MYT1: variants seen among roughly 807,000 people sequenced by gnomAD.
MYT1 encodes the protein myelin transcription factor 1.
Under a neutral mutation model 123.0 loss-of-function variants are expected in MYT1, and 23 were observed. The ratio of observed to expected loss-of-function variants is 0.19; its 90% CI spans 0.13 to 0.26. MYT1 has a LOEUF of 0.26. Among genes scored for constraint, MYT1 ranks in the 10% least tolerant of loss-of-function variants. MYT1 has a pLI of 1.00. For missense variants in MYT1, 1,125 were observed against 1,472.5 expected, an observed-to-expected ratio of 0.76 and a Z score of 3.86; for synonymous variants, 518 against 575.3, an observed-to-expected ratio of 0.90 and a Z score of 1.43.
intron 16 of MYT1, among the ~76,000 whole-genome samples, chr20:64,224,924 C>T (rs907517427): frequency 6.6e-6 from 1 of 152,166 alleles, no homozygotes; most frequent in African/African-American, 2.4e-5. Flanking sequence ...CAGTTCGGGC[C>T]TGGAGACATG....
chr20:64,183,023 C>G (rs1488070149), intron 1 of MYT1, among the ~76,000 whole-genome samples: 1 of 152,238 alleles, frequency 6.6e-6, no homozygotes, highest in South Asian at 2.1e-4. Context: ...AAACCCCATG[C>G]CCGTTCACAG....
intron 18 of MYT1, 141 bp downstream of exon 18, chr20:64,228,112 CT>C: frequency 1.3e-6 from 1 of 769,176 alleles, no homozygotes; most frequent in Non-Finnish European, 2.1e-6. Context: ...ACTTTCGTTT[CT>C]TTCATTTTTA....
At chr20:64,211,125 A>G (rs1983653908) in intron 7 of MYT1, 81 bp from the exon 8 acceptor site, 1 of 1,471,400 alleles carries the variant, frequency 6.8e-7, no homozygotes, top group Non-Finnish European at 9.2e-7. Flanking sequence ...AGCCAGAGAG[A>G]GGGTTCCTGA....
intron 1 of MYT1, among the ~76,000 whole-genome samples, chr20:64,182,387 G>T (rs947897175): frequency 2.6e-5 from 4 of 152,252 alleles, no homozygotes; most frequent in African/African-American, 9.6e-5. Flanking sequence ...TTAGCTACCA[G>T]GTGGGATTGG....
rs1983360568 is a variant in MYT1 at position 64,202,663 on chromosome 20, G to A, written c.87-2372G>A. Among the ~76,000 whole-genome samples the A allele has an allele frequency of 6.6e-6, 1 of 152,160 alleles. No homozygotes were observed. Among genetic ancestry groups the A allele is most frequent in the South Asian group, 2.1e-4 (1 of 4,834 alleles). ...GCTGAAGCATGGGGCTCCAGGCTGG[G>A]ATTCAGTTCCTCTCCTGACTTGTCT... On this transcript the variant is annotated intron_variant, in intron 4 of 22. Transcript: ENST00000328439. The surrounding 1 kb of genome is among the most constrained non-coding windows in gnomAD (Gnocchi z 5.0).
rs143591960 is a variant in MYT1 at position 64,185,050 on chromosome 20, G to A, written c.-98-5013G>A. Among the ~76,000 whole-genome samples, 1,108 of 152,314 alleles carry A rather than the reference G, an allele frequency of 7.3e-3. 9 individuals carry two copies. Among genetic ancestry groups the A allele is most frequent in the African/African-American group, 0.025 (1,041 of 41,558 alleles). On this transcript the variant is annotated intron_variant, in intron 1 of 22. Transcript: ENST00000328439. The surrounding 1 kb of genome is among the most constrained non-coding windows in gnomAD (Gnocchi z 4.5). ...AGAGGGATGTGGGTGGAGGCCAACT[G>A]TGGTGGGGAGTGAAGCGTAGTTATG...
chr20:64,236,051 CGGTGGGTGACCCTGGGCTGGCCGT>C (rs1984526973), intron 19 of MYT1, among the ~76,000 whole-genome samples: 1 of 16,882 alleles, frequency 5.9e-5, no homozygotes, highest in Non-Finnish European at 1.0e-4. Context: ...GGGATGGTCG[CGGTGGGTGACCCTGGGCTGGCCGT>C]GGTGGGTGAC....
intron 19 of MYT1, among the ~76,000 whole-genome samples, chr20:64,236,089 G>T (rs1601726890): frequency 9.1e-6 from 1 of 109,812 alleles, no homozygotes. Context: ...GGGTGACCCT[G>T]GGATGGCCGT....
chr20:64,170,870 TATATATATATATATAGAGAG>T (rs1373549103), intron 1 of MYT1, among the ~76,000 whole-genome samples: 3 of 61,072 alleles, frequency 4.9e-5, no homozygotes, highest in Non-Finnish European at 2.9e-5. Context: ...TATATATATA[TATATATATATATATAGAGAG>T]AGAGAGAGAG....
At position 64,196,551 on chromosome 20, in the gene MYT1, AT is replaced by A. The variant is rs1410933274; in HGVS notation, c.1-2309del. Among the ~76,000 whole-genome samples, 2 of 152,238 alleles carry A rather than the reference AT, an allele frequency of 1.3e-5. No homozygotes were observed. Among genetic ancestry groups the A allele is most frequent in the Non-Finnish European group, 2.9e-5 (2 of 68,034 alleles). ...CAAGTCACCCAGCTCTTACGGGTTC[AT>A]TCTCGTATTAAAGAGCCTGGTTTAT... On this transcript the variant is annotated intron_variant, in intron 2 of 22. Coordinates refer to ENST00000328439, the MANE Select transcript of MYT1 (RefSeq NM_004535.3). This position sits in a 1 kb window ranked among gnomAD's most constrained non-coding sequence, Gnocchi z 4.3.
chr20:64,183,673 G>T (rs2983449), intron 1 of MYT1, among the ~76,000 whole-genome samples: 6,265 of 152,246 alleles, frequency 0.041, 164 homozygotes, highest in South Asian at 0.1. Context: ...GTCTGTTCAA[G>T]TCCTCTGCTC....
Position 64,191,059 on chromosome 20 carries a change from G to A in MYT1, c.-1+899G>A, listed in dbSNP as rs1247923538. 6.6e-6 allele frequency among the ~76,000 whole-genome samples: 1 copy of A among 152,182 alleles called. No individual in the cohort carries two copies. The highest frequency in any genetic ancestry group is 2.4e-5 in the African/African-American group (1 of 41,446). On this transcript the variant is annotated intron_variant, in intron 2 of 22. Transcript: ENST00000328439. This position sits in a 1 kb window ranked among gnomAD's most constrained non-coding sequence, Gnocchi z 4.1. Reference sequence around the variant, plus strand: ...CTTCCTTGCTTTGAGGTGTGACCACGTCTGGGCTCTGTGATAGGCCTGAGC... The same window carrying A: ...CTTCCTTGCTTTGAGGTGTGACCACATCTGGGCTCTGTGATAGGCCTGAGC...
intron 19 of MYT1, among the ~76,000 whole-genome samples, 171 bp from the exon 20 acceptor site, chr20:64,236,384 C>T (rs1211345905): frequency 8.5e-5 from 12 of 141,140 alleles, no homozygotes; most frequent in African/African-American, 3.2e-4. Context: ...CCTGGGATGG[C>T]CGTGGTGGGT....
chr20:64,173,384 G>A (rs1982347022), intron 1 of MYT1, among the ~76,000 whole-genome samples: 1 of 152,144 alleles, frequency 6.6e-6, no homozygotes, highest in South Asian at 2.1e-4. Flanking sequence ...CTGTGGCCTG[G>A]CCTAGTCAGT....
intron 1 of MYT1, among the ~76,000 whole-genome samples, chr20:64,165,658 G>A (rs945635198): frequency 2.0e-5 from 3 of 152,150 alleles, no homozygotes; most frequent in Non-Finnish European, 4.4e-5. Flanking sequence ...ACCATTGGCT[G>A]GTAAAGTTGG....
intron 1 of MYT1, among the ~76,000 whole-genome samples, chr20:64,178,717 C>T (rs1468389157): frequency 6.8e-6 from 1 of 146,478 alleles, no homozygotes; most frequent in Admixed American, 6.8e-5. Context: ...CGTGGGAGCA[C>T]TGAGCCGTTA....
chr20:64,223,603 CT>C (rs1984077529), intron 16 of MYT1, among the ~76,000 whole-genome samples: 1 of 152,080 alleles, frequency 6.6e-6, no homozygotes, highest in South Asian at 2.1e-4. Context: ...CTAGGGGTCG[CT>C]GCAGGCTCCT....
chr20:64,195,747 A>G (rs1351002976), intron 2 of MYT1, among the ~76,000 whole-genome samples: 1 of 152,188 alleles, frequency 6.6e-6, no homozygotes, highest in East Asian at 1.9e-4. Context: ...TGACTTTACT[A>G]AACAGAAATA....
At position 64,212,829 on chromosome 20, in the gene MYT1, G is replaced by T. The variant is rs1460171948; in HGVS notation, c.1517+691G>T. 6.6e-6 allele frequency among the ~76,000 whole-genome samples: 1 copy of T among 152,084 alleles called. No homozygotes were observed. The highest frequency in any genetic ancestry group is 1.9e-4 in the East Asian group (1 of 5,198). On this transcript the variant is annotated intron_variant, in intron 9 of 22. Transcript: ENST00000328439. This position sits in a 1 kb window ranked among gnomAD's most constrained non-coding sequence, Gnocchi z 6.8. ...CTACTCCTCCAGCCTTACCCTAAGTGCCATGGGTGGCCGTGGCCTCGGTGG... is the reference window on the plus strand; with the variant it reads ...CTACTCCTCCAGCCTTACCCTAAGTTCCATGGGTGGCCGTGGCCTCGGTGG...
Sources: allele counts gnomAD v4.1 joint callset (sites outside exome capture counted in the v4.1 genomes callset), GRCh38; gene constraint gnomAD v4.1.1; non-coding constraint Gnocchi (gnomAD v3.1); transcripts MANE v1.5; gene names NCBI Gene and HGNC (gene_info 2026-07-23, HGNC 2026-07-21).